Variants in CCDC175 observed in about 807,000 individuals in gnomAD.
The protein encoded by CCDC175 is coiled-coil domain-containing protein 175.
A neutral mutation model predicts 114.6 loss-of-function variants in CCDC175; 100 were observed. That is an observed-to-expected ratio of 0.87 (90% CI 0.74 to 1.03). The LOEUF is 1.03. CCDC175 is among the 50% of genes least tolerant of loss of function. The pLI is 0.00. For synonymous variants in CCDC175, 306 were observed against 308.7 expected (o/e 0.99, Z 0.09); for missense variants, 880 against 917.8 (o/e 0.96, Z 0.53).
chr14:59,527,088 C>T lies in CCDC175; in HGVS notation c.1842+7G>A. On this transcript the variant is annotated splice_region_variant and intron_variant, in intron 15 of 19. Coordinates refer to ENST00000537690, the MANE Select transcript of CCDC175 (RefSeq NM_001164399.2). ...TAAAAAAAAGAATTAATGCATTGAT[C>T]TTTTACCATGTTGCTAATGTATCTT... 1 of 1,376,286 alleles carries T rather than the reference C, an allele frequency of 7.3e-7. No individual in the cohort carries two copies. Among genetic ancestry groups the T allele is most frequent in the East Asian group, 2.7e-5 (1 of 37,340 alleles). The allele number at this position is 1,376,286 out of a possible 1,614,324, so 85.3% of individuals were successfully genotyped here.
At chr14:59,557,423 A>G (rs1209806427) in intron 7 of CCDC175, among the ~76,000 whole-genome samples, 1 of 142,560 alleles carries the variant, frequency 7.0e-6, no homozygotes, top group African/African-American at 2.6e-5. Context: ...CAATGAGAAC[A>G]CATGGACACA....
intron 9 of CCDC175, among the ~76,000 whole-genome samples, 166 bp from the exon 10 acceptor site, chr14:59,543,620 T>C (rs987546555): frequency 2.6e-5 from 4 of 152,242 alleles, no homozygotes; most frequent in African/African-American, 7.2e-5. Flanking sequence ...GATCTAAATT[T>C]ATGCAAAGGA....
At chr14:59,537,642 C>T (rs1894481309) in intron 13 of CCDC175, among the ~76,000 whole-genome samples, 1 of 152,088 alleles carries the variant, frequency 6.6e-6, no homozygotes, top group African/African-American at 2.4e-5. Context: ...CTCAGGTTGG[C>T]TTTTGGCAGT....
In CCDC175 at chr14:59,518,264, A is replaced by G. The variant is rs375903140; in HGVS notation, c.2098+3310T>C. 1.4e-4 allele frequency among the ~76,000 whole-genome samples: 22 copies of G among 152,332 alleles called. No individual in the cohort carries two copies. The East Asian group carries it at 2.7e-3, about 19-fold the overall frequency. The stretch of plus-strand genomic sequence containing the variant: ...ACCATTCAGGACATAGGCATGGGCA[A>G]GGACTTCATGTCTAAAACACCAAAA... On this transcript the variant is annotated intron_variant, in intron 17 of 19. Coordinates refer to ENST00000537690, the MANE Select transcript of CCDC175 (RefSeq NM_001164399.2).
At chr14:59,513,837 G>A (rs187056700) in intron 17 of CCDC175, among the ~76,000 whole-genome samples, 1 of 152,318 alleles carries the variant, frequency 6.6e-6, no homozygotes, top group Non-Finnish European at 1.5e-5. Context: ...CTAGCACGCA[G>A]CTGGAGATCT....
chr14:59,538,283 C>T, intron 12 of CCDC175, 129 bp from the exon 13 acceptor site: 1 of 735,916 alleles, frequency 1.4e-6, no homozygotes, highest in Non-Finnish European at 2.1e-6. Flanking sequence ...AATTTCTCAG[C>T]AACCACTGAG....
At chr14:59,511,640 C>A in intron 18 of CCDC175, 120 bp downstream of exon 18, 1 of 538,464 alleles carries the variant, frequency 1.9e-6, no homozygotes, top group South Asian at 2.0e-5. Flanking sequence ...GTGTGAATTT[C>A]CACCCTGATG....
intron 3 of CCDC175, 76 bp downstream of exon 3, chr14:59,572,625 GA>G: frequency 1.3e-6 from 1 of 763,142 alleles, no homozygotes; most frequent in Non-Finnish European, 2.0e-6. Flanking sequence ...CAATAACTAT[GA>G]AACTTATCTT....
At chr14:59,562,509 A>G (rs1252566189) in intron 6 of CCDC175, among the ~76,000 whole-genome samples, 1 of 152,228 alleles carries the variant, frequency 6.6e-6, no homozygotes, top group Non-Finnish European at 1.5e-5. Flanking sequence ...AAAGGTTTGT[A>G]GAACTAAGAT....
rs1299731492 is a variant in CCDC175 at position 59,521,652 on chromosome 14, T to C, written c.2020A>G (p.Ile674Val). The change falls in exon 17 of 20, where the codon ATA becomes GTA. Residue 674 changes from isoleucine (I) to valine (V), a missense_variant. Physicochemically the swap from Ile to Val is conservative, Grantham distance 29. Transcript: ENST00000537690. ...KEYILYLKNNIEKYREGQEAL... is the reference protein window; with the variant it reads ...KEYILYLKNNVEKYREGQEAL... Reference sequence around the variant, plus strand: ...TCTTGTCCTTCTCTGTATTTCTCTATGTTATTCTTCAAGTATAAAATATAC... The same window carrying C: ...TCTTGTCCTTCTCTGTATTTCTCTACGTTATTCTTCAAGTATAAAATATAC... 7.8e-6 allele frequency: 12 copies of C among 1,530,308 alleles called. No homozygotes were observed. In the East Asian group the frequency reaches 2.7e-4, roughly 34 times the overall value. 94.8% of individuals were successfully genotyped at this position (1,530,308 alleles called of 1,614,324 possible).
At chr14:59,553,862 CAAAG>C (rs1331349759) in intron 7 of CCDC175, among the ~76,000 whole-genome samples, 6 of 152,056 alleles carry the variant, frequency 3.9e-5, no homozygotes, top group Non-Finnish European at 8.8e-5. Context: ...TCAAAAGAGA[CAAAG>C]AAGGCCATTA....
chr14:59,543,877 G>C (rs2140047276), intron 9 of CCDC175, among the ~76,000 whole-genome samples: 1 of 152,266 alleles, frequency 6.6e-6, no homozygotes, highest in South Asian at 2.1e-4. Context: ...AAAACAACAA[G>C]AACAGTTGTG....
chr14:59,535,022 A>G (rs1167805417), intron 13 of CCDC175, among the ~76,000 whole-genome samples: 1 of 152,206 alleles, frequency 6.6e-6, no homozygotes, highest in East Asian at 1.9e-4. Flanking sequence ...CACCAGGGGC[A>G]CAACAATAGT....
rs1263146935 is a variant in CCDC175, at chr14:59,543,347, T to G, written c.1280A>C (p.Gln427Pro). 3 of 1,266,134 alleles carry G rather than the reference T, an allele frequency of 2.4e-6. No individual in the cohort carries two copies. The highest frequency in any genetic ancestry group is 2.1e-6 in the Non-Finnish European group (2 of 940,624). The allele number at this position is 1,266,134 out of a possible 1,614,324, so 78.4% of individuals were successfully genotyped here. ...EEGLITLQEL[Q>P]QATKTVYQQQ... The stretch of plus-strand genomic sequence containing the variant: ...ATTTCAAAGGCAACAAACATACTGT[T>G]GAAGTTCCTGGAGTGTGATGAGTCC... The change falls in exon 10 of 20, where the codon CAA (glutamine) becomes CCA (proline). Residue 427 changes from glutamine (Q) to proline (P), a missense_variant. Coordinates refer to ENST00000537690, the MANE Select transcript of CCDC175 (RefSeq NM_001164399.2).
chr14:59,538,937 C>T (rs1015698058), intron 11 of CCDC175, 97 bp from the exon 12 acceptor site: 6 of 1,134,324 alleles, frequency 5.3e-6, no homozygotes, highest in South Asian at 1.7e-5. Context: ...ACTATGACTA[C>T]ACAAAATTGT....
At chr14:59,565,711 TA>T (rs745434775) in intron 4 of CCDC175, among the ~76,000 whole-genome samples, 62 of 145,408 alleles carry the variant, frequency 4.3e-4, no homozygotes, top group African/African-American at 4.3e-4. Context: ...TGTCTGAAAT[TA>T]AAAAAAAAAA....
At chr14:59,518,921 A>C (rs1448300128) in intron 17 of CCDC175, among the ~76,000 whole-genome samples, 2 of 152,260 alleles carry the variant, frequency 1.3e-5, no homozygotes, top group Non-Finnish European at 2.9e-5. Context: ...ACCAACCCAA[A>C]TGTCCAACAA....
At chr14:59,566,394 G>A (rs1212369401) in intron 4 of CCDC175, among the ~76,000 whole-genome samples, 2 of 152,188 alleles carry the variant, frequency 1.3e-5, no homozygotes, top group African/African-American at 4.8e-5. Context: ...GTGAGTTTCA[G>A]AGGAATTGTG....
chr14:59,536,867 T>A (rs760200631), intron 13 of CCDC175, among the ~76,000 whole-genome samples: 2 of 151,758 alleles, frequency 1.3e-5, no homozygotes, highest in Non-Finnish European at 2.9e-5. Context: ...CTGCAACCTC[T>A]GCCTGCTGGG....
Sources: gnomAD v4.1 joint callset for allele counts (sites outside exome capture counted in the v4.1 genomes callset) on GRCh38, gnomAD v4.1.1 for gene constraint, MANE v1.5 for transcripts, NCBI Gene and HGNC (gene_info 2026-07-23, HGNC 2026-07-21) for gene names.